The following C8orf34 variants were observed in gnomAD, a reference collection of about 807,000 sequenced individuals.
The protein encoded by C8orf34 is uncharacterized protein C8orf34.
C8orf34 carries 65 observed loss-of-function variants against 68.3 expected under a neutral mutation model. The ratio of observed to expected loss-of-function variants is 0.95; its 90% CI spans 0.78 to 1.17. The LOEUF (loss-of-function observed/expected upper bound fraction) is 1.17. Ranked by LOEUF, C8orf34 falls within the 50% of genes most tolerant of loss-of-function variation. The probability of loss-of-function intolerance (pLI) is 0.00; values close to 1 mark genes in which losing one functional copy is unlikely to be tolerated. For missense variants in C8orf34, 664 were observed against 655.4 expected, an observed-to-expected ratio of 1.01 and a Z score of -0.14; for synonymous variants, 244 against 241.2, an observed-to-expected ratio of 1.01 and a Z score of -0.11.
At chr8:68,584,421 A>G (rs1021498962) in intron 7 of C8orf34, among the ~76,000 whole-genome samples, 3 of 152,204 alleles carry the variant, frequency 2.0e-5, no homozygotes, top group Non-Finnish European at 4.4e-5. Context: ...TTGTCCCACC[A>G]TCTGAGATAC....
intron 8 of C8orf34, among the ~76,000 whole-genome samples, chr8:68,681,693 T>C (rs1820376372): frequency 6.6e-6 from 1 of 152,174 alleles, no homozygotes; most frequent in African/African-American, 2.4e-5. Flanking sequence ...AGGAAATCAG[T>C]ATGTCAAAGA....
intron 1 of C8orf34, among the ~76,000 whole-genome samples, chr8:68,368,886 T>TC: frequency 6.6e-6 from 1 of 152,336 alleles, no homozygotes; most frequent in South Asian, 2.1e-4. Context: ...AAGATTTTTT[T>TC]CCCTCTACTT....
At chr8:68,664,641 A>G (rs1415091320) in intron 8 of C8orf34, among the ~76,000 whole-genome samples, 2 of 152,168 alleles carry the variant, frequency 1.3e-5, no homozygotes, top group South Asian at 4.1e-4. Flanking sequence ...ATGTCACCCC[A>G]TTGAACACTG....
intron 7 of C8orf34, among the ~76,000 whole-genome samples, chr8:68,611,168 G>A (rs1818012098): frequency 6.6e-6 from 1 of 152,108 alleles, no homozygotes; most frequent in African/African-American, 2.4e-5. Context: ...CCAGCCTACA[G>A]TGAATCTTAA....
chr8:68,569,547 C>T (rs1816701671), intron 7 of C8orf34, among the ~76,000 whole-genome samples: 1 of 152,218 alleles, frequency 6.6e-6, no homozygotes, highest in African/African-American at 2.4e-5. Context: ...TCCCAGACAA[C>T]CAAAACCATA....
At chr8:68,351,580 C>T (rs1806515420) in intron 1 of C8orf34, among the ~76,000 whole-genome samples, 1 of 152,042 alleles carries the variant, frequency 6.6e-6, no homozygotes, top group Admixed American at 6.6e-5. Flanking sequence ...TCTCTCCCTC[C>T]CTTTCAGGGA....
chr8:68,761,797 C>A (rs1391023455), intron 10 of C8orf34, among the ~76,000 whole-genome samples: 2 of 152,082 alleles, frequency 1.3e-5, no homozygotes, highest in Non-Finnish European at 2.9e-5. Context: ...TGGTGCACAC[C>A]AAAGTTGTAG....
At chr8:68,466,602 A>G (rs981100780) in intron 3 of C8orf34, among the ~76,000 whole-genome samples, 3 of 151,688 alleles carry the variant, frequency 2.0e-5, no homozygotes, top group African/African-American at 7.3e-5. Flanking sequence ...ATTGTATACA[A>G]TGTGAATGGG....
At chr8:68,605,408 T>C (rs1817825010) in intron 7 of C8orf34, among the ~76,000 whole-genome samples, 1 of 152,124 alleles carries the variant, frequency 6.6e-6, no homozygotes, top group Non-Finnish European at 1.5e-5. Flanking sequence ...AACCTGCACA[T>C]GGATGTTTAT....
intron 1 of C8orf34, among the ~76,000 whole-genome samples, chr8:68,436,946 C>T (rs868854940): frequency 6.6e-6 from 1 of 152,170 alleles, no homozygotes; most frequent in East Asian, 1.9e-4. Context: ...AGTTCAAGTC[C>T]TCAGAATCAT....
intron 3 of C8orf34, among the ~76,000 whole-genome samples, chr8:68,463,574 A>G (rs1174617361): frequency 1.3e-5 from 2 of 152,228 alleles, no homozygotes; most frequent in Non-Finnish European, 2.9e-5. Flanking sequence ...CCAGCAGCAT[A>G]TCAAAAAGCT....
intron 7 of C8orf34, among the ~76,000 whole-genome samples, chr8:68,579,193 G>A (rs144042198): frequency 2.5e-3 from 375 of 151,860 alleles, no homozygotes; most frequent in African/African-American, 8.0e-3. Flanking sequence ...GCTTTTCCTC[G>A]GTTCATCTTG....
intron 7 of C8orf34, among the ~76,000 whole-genome samples, chr8:68,589,214 A>G (rs1443700735): frequency 6.6e-6 from 1 of 152,166 alleles, no homozygotes; most frequent in Non-Finnish European, 1.5e-5. Context: ...TTAATTTAAT[A>G]TTATCTTTCT....
chr8:68,612,697 TTAGAAA>T (rs1200317376), intron 7 of C8orf34, among the ~76,000 whole-genome samples: 74 of 152,262 alleles, frequency 4.9e-4, no homozygotes, highest in Middle Eastern at 6.8e-3. Flanking sequence ...TTACTGATTT[TTAGAAA>T]ATAAAATATC....
chr8:68,460,642 C>T lies in C8orf34; in HGVS notation c.608-8050C>T, dbSNP rs182248436. 1.8e-3 allele frequency among the ~76,000 whole-genome samples: 274 copies of T among 152,254 alleles called. 2 individuals are homozygous for T. The highest frequency in any genetic ancestry group is 6.1e-3 in the African/African-American group (255 of 41,556). Reference sequence around the variant, plus strand: ...GCAGCATTTGCAGTTCATGAAAATCCGCTGTTCTACAGCCACGACTGCTGA... The same window carrying T: ...GCAGCATTTGCAGTTCATGAAAATCTGCTGTTCTACAGCCACGACTGCTGA... On this transcript the variant is annotated intron_variant, in intron 3 of 13. Coordinates refer to ENST00000518698, the MANE Select transcript of C8orf34 (RefSeq NM_052958.4).
At chr8:68,502,263 A>G (rs993870498) in intron 5 of C8orf34, among the ~76,000 whole-genome samples, 25 of 152,080 alleles carry the variant, frequency 1.6e-4, no homozygotes, top group African/African-American at 5.8e-4. Flanking sequence ...ATGGGGTTTC[A>G]CCATTTCACA....
chr8:68,650,774 C>T (rs1267514072), intron 8 of C8orf34, among the ~76,000 whole-genome samples: 5 of 152,142 alleles, frequency 3.3e-5, no homozygotes, highest in Non-Finnish European at 2.9e-5. Context: ...CCACCGCACC[C>T]GGCCCACCCT....
intron 7 of C8orf34, among the ~76,000 whole-genome samples, chr8:68,580,697 T>G (rs2130343517): frequency 6.6e-6 from 1 of 152,278 alleles, no homozygotes; most frequent in South Asian, 2.1e-4. Flanking sequence ...GCTCAATTAC[T>G]TCTGAGAAAA....
At chr8:68,751,389 C>G (rs759291676) in intron 10 of C8orf34, among the ~76,000 whole-genome samples, 8 of 152,152 alleles carry the variant, frequency 5.3e-5, no homozygotes, top group African/African-American at 1.9e-4. Flanking sequence ...AGGACAGCAA[C>G]AAGTTTCAGA....
Sources: allele counts gnomAD v4.1 joint callset (sites outside exome capture counted in the v4.1 genomes callset), GRCh38; gene constraint gnomAD v4.1.1; transcripts MANE v1.5; gene names NCBI Gene and HGNC (gene_info 2026-07-23, HGNC 2026-07-21).